Variants in GPC5 observed in about 807,000 individuals in gnomAD.
GPC5 encodes the protein glypican 5.
A neutral mutation model predicts 53.9 loss-of-function variants in GPC5; 47 were observed. The ratio of observed to expected loss-of-function variants is 0.87; its 90% CI spans 0.69 to 1.11. The LOEUF (loss-of-function observed/expected upper bound fraction) is 1.11. Ranked by LOEUF, GPC5 falls within the 50% of genes most tolerant of loss-of-function variation. The probability of loss-of-function intolerance (pLI) is 0.00; values close to 1 mark genes in which losing one functional copy is unlikely to be tolerated. For missense variants in GPC5, 748 were observed against 713.1 expected, an observed-to-expected ratio of 1.05 and a Z score of -0.56; for synonymous variants, 286 against 263.3, an observed-to-expected ratio of 1.09 and a Z score of -0.84.
At chr13:91,972,024 T>C (rs1163603366) in intron 6 of GPC5, among the ~76,000 whole-genome samples, 1 of 152,198 alleles carries the variant, frequency 6.6e-6, no homozygotes, top group Non-Finnish European at 1.5e-5. Flanking sequence ...ATATCCTTAT[T>C]AACTTTCTGT....
intron 7 of GPC5, among the ~76,000 whole-genome samples, chr13:92,508,209 G>T (rs189892405): frequency 6.6e-6 from 1 of 152,184 alleles, no homozygotes; most frequent in Non-Finnish European, 1.5e-5. Context: ...TGATCTTCCC[G>T]CCTCGGCCTC....
intron 7 of GPC5, among the ~76,000 whole-genome samples, chr13:92,726,197 A>G (rs1440657551): frequency 6.6e-6 from 1 of 151,476 alleles, no homozygotes; most frequent in Non-Finnish European, 1.5e-5. Context: ...TTGGTATCCC[A>G]CATGTTTAGT....
intron 4 of GPC5, among the ~76,000 whole-genome samples, chr13:91,739,411 C>T (rs981059174): frequency 2.0e-5 from 3 of 151,368 alleles, no homozygotes; most frequent in African/African-American, 7.4e-5. Flanking sequence ...CAAATCATTC[C>T]AAAACGTAGT....
At chr13:91,858,539 T>C (rs988470338) in intron 5 of GPC5, among the ~76,000 whole-genome samples, 1 of 152,028 alleles carries the variant, frequency 6.6e-6, no homozygotes, top group Non-Finnish European at 1.5e-5. Context: ...TGAATGATCT[T>C]TCTAATGTGT....
At chr13:91,583,427 A>G (rs2032444766) in intron 2 of GPC5, among the ~76,000 whole-genome samples, 1 of 152,198 alleles carries the variant, frequency 6.6e-6, no homozygotes, top group South Asian at 2.1e-4. Context: ...AATATATGCC[A>G]AGACCGAAAT....
chr13:91,485,566 G>T (rs1312671917), intron 2 of GPC5, among the ~76,000 whole-genome samples: 1 of 151,998 alleles, frequency 6.6e-6, no homozygotes, highest in African/African-American at 2.4e-5. Context: ...GTTTTTGCAT[G>T]TTGGAACAGA....
intron 5 of GPC5, among the ~76,000 whole-genome samples, chr13:91,769,987 C>A (rs2037592432): frequency 6.6e-6 from 1 of 152,184 alleles, no homozygotes. Context: ...TTAGATGCCA[C>A]TCACAAGTAG....
chr13:91,764,245 A>G (rs543767528), intron 5 of GPC5, among the ~76,000 whole-genome samples: 1 of 152,316 alleles, frequency 6.6e-6, no homozygotes, highest in Non-Finnish European at 1.5e-5. Context: ...TCTCAGGTCA[A>G]TATACACATT....
chr13:92,782,203 T>C (rs983991590), intron 7 of GPC5, among the ~76,000 whole-genome samples: 1 of 152,100 alleles, frequency 6.6e-6, no homozygotes, highest in African/African-American at 2.4e-5. Context: ...CTTAGGATAA[T>C]TTTGAACCAG....
intron 7 of GPC5, among the ~76,000 whole-genome samples, chr13:92,396,010 AT>A (rs147179573): frequency 1.5e-3 from 221 of 151,622 alleles, no homozygotes; most frequent in African/African-American, 5.1e-3. Context: ...TCTAGAATTA[AT>A]TTTGGAAAAA....
chr13:92,699,016 G>T (rs928494347), intron 7 of GPC5, among the ~76,000 whole-genome samples: 5 of 152,204 alleles, frequency 3.3e-5, no homozygotes, highest in African/African-American at 1.2e-4. Context: ...GCTCGTTTTT[G>T]TACCTCTGGT....
intron 2 of GPC5, among the ~76,000 whole-genome samples, chr13:91,603,313 T>C (rs79531532): frequency 0.026 from 3,953 of 152,336 alleles, 172 homozygotes; most frequent in African/African-American, 0.089. Context: ...GCATGGGCCT[T>C]ATGTAAGAGA....
At position 91,801,688 on chromosome 13, in the gene GPC5, T is replaced by C. The variant is rs1260825222; in HGVS notation, c.1280+45268T>C. Among the ~76,000 whole-genome samples, 10 of 152,346 alleles carry C rather than the reference T, an allele frequency of 6.6e-5. No individual in the cohort carries two copies. In the East Asian group the frequency reaches 1.7e-3, roughly 26 times the overall value. On this transcript the variant is annotated intron_variant, in intron 5 of 7. Coordinates refer to ENST00000377067, the MANE Select transcript of GPC5 (RefSeq NM_004466.6). ...TTTCTAATAACCAACATTTATTGAATGCTTCCTACGTACTTAGCATTGTGG... is the reference window on the plus strand; with the variant it reads ...TTTCTAATAACCAACATTTATTGAACGCTTCCTACGTACTTAGCATTGTGG...
chr13:92,720,684 T>A (rs1174597412), intron 7 of GPC5, among the ~76,000 whole-genome samples: 1 of 152,134 alleles, frequency 6.6e-6, no homozygotes, highest in African/African-American at 2.4e-5. Flanking sequence ...AAAGATTTAC[T>A]TATTCTTATG....
At chr13:92,758,075 A>T (rs1308752798) in intron 7 of GPC5, among the ~76,000 whole-genome samples, 3 of 150,382 alleles carry the variant, frequency 2.0e-5, no homozygotes, top group Non-Finnish European at 4.4e-5. Context: ...AAGTCTTGGA[A>T]CCAACCCAAA....
intron 4 of GPC5, among the ~76,000 whole-genome samples, chr13:91,731,097 T>A (rs965928703): frequency 5.3e-5 from 8 of 152,310 alleles, no homozygotes; most frequent in African/African-American, 1.9e-4. Flanking sequence ...AGTGAAGGGG[T>A]CCTTGCCAGC....
chr13:91,581,316 AAGAAATATAACACT>A (rs1268343218), intron 2 of GPC5, among the ~76,000 whole-genome samples: 1 of 152,228 alleles, frequency 6.6e-6, no homozygotes. Context: ...AGTAGAGTGG[AAGAAATATAACACT>A]ATTTTGGCCC....
chr13:92,805,411 G>A (rs1877057387), intron 7 of GPC5, among the ~76,000 whole-genome samples: 1 of 151,930 alleles, frequency 6.6e-6, no homozygotes, highest in African/African-American at 2.4e-5. Context: ...AGGTCAATGG[G>A]AAGTAATATT....
At chr13:92,756,900 T>A (rs1311543597) in intron 7 of GPC5, among the ~76,000 whole-genome samples, 1 of 151,274 alleles carries the variant, frequency 6.6e-6, no homozygotes, top group African/African-American at 2.4e-5. Context: ...AAAATGGCCA[T>A]ACTGCCCAAG....
Sources: allele counts gnomAD v4.1 joint callset (sites outside exome capture counted in the v4.1 genomes callset), GRCh38; gene constraint gnomAD v4.1.1; transcripts MANE v1.5; gene names NCBI Gene and HGNC (gene_info 2026-07-23, HGNC 2026-07-21).